The following AOPEP variants were observed in gnomAD, a reference collection of about 807,000 sequenced individuals.
The protein encoded by AOPEP is aminopeptidase O (putative).
Under a neutral mutation model 98.1 loss-of-function variants are expected in AOPEP, and 77 were observed. The ratio of observed to expected loss-of-function variants is 0.78; its 90% confidence interval spans 0.65 to 0.95. The LOEUF is 0.95. Among genes scored for constraint, AOPEP ranks in the 40% least tolerant of loss-of-function variants. The probability of loss-of-function intolerance (pLI) is 0.00; values close to 1 mark genes in which losing one functional copy is unlikely to be tolerated. For missense variants in AOPEP, 1,024 were observed against 1,024.7 expected (o/e 1.00, Z 0.01); for synonymous variants, 346 against 365.3 (o/e 0.95, Z 0.60).
At chr9:95,006,384 G>T (rs1416627724) in intron 13 of AOPEP, among the ~76,000 whole-genome samples, 2 of 152,136 alleles carry the variant, frequency 1.3e-5, no homozygotes, top group Non-Finnish European at 2.9e-5. Context: ...GTGTTTTTCT[G>T]CTGCTAGAAT....
intron 5 of AOPEP, among the ~76,000 whole-genome samples, chr9:94,884,141 G>A (rs2047912162): frequency 6.6e-6 from 1 of 152,184 alleles, no homozygotes; most frequent in Non-Finnish European, 1.5e-5. Context: ...GCCCCAATCC[G>A]AAGCCTTTGC....
chr9:94,953,292 A>G (rs994932203), intron 7 of AOPEP, among the ~76,000 whole-genome samples: 1 of 152,206 alleles, frequency 6.6e-6, no homozygotes, highest in African/African-American at 2.4e-5. Flanking sequence ...TTATTCTTAC[A>G]AGTGTGGGCA....
chr9:95,022,541 G>T (rs147218322), intron 13 of AOPEP, among the ~76,000 whole-genome samples: 1 of 151,990 alleles, frequency 6.6e-6, no homozygotes, highest in Non-Finnish European at 1.5e-5. Flanking sequence ...GGGTTTCACC[G>T]TGTTAGCCAG....
the AOPEP span, chr9:95,111,750 G>A: frequency 8.3e-7 from 1 of 1,202,544 alleles, no homozygotes; most frequent in South Asian, 1.2e-5. Flanking sequence ...CTTATCCACT[G>A]AAGTGCAACC....
intron 16 of AOPEP, 194 bp from the exon 17 acceptor site, chr9:95,086,488 C>G (rs2070716475): frequency 5.1e-6 from 5 of 985,358 alleles, no homozygotes; most frequent in Non-Finnish European, 6.0e-6. Context: ...GGTGTCATGG[C>G]CACGTGTGAG....
At chr9:95,036,632 CTCCTCCTCCTCCCCGCCCTCCTCTTCT>C (rs1352900228) in intron 13 of AOPEP, among the ~76,000 whole-genome samples, 1 of 151,656 alleles carries the variant, frequency 6.6e-6, no homozygotes, top group African/African-American at 2.4e-5. Context: ...TGTTTTATTT[CTCCTCCTCCTCCCCGCCCTCCTCTTCT>C]TCCTCCTCCT....
chr9:95,125,207 C>G, the AOPEP span: 3 of 1,589,446 alleles, frequency 1.9e-6, no homozygotes, highest in African/African-American at 2.7e-5. Flanking sequence ...AAAGTCAGAT[C>G]AGAACACGTT....
chr9:95,051,522 G>A (rs2066364035), intron 13 of AOPEP, among the ~76,000 whole-genome samples: 1 of 152,030 alleles, frequency 6.6e-6, no homozygotes, highest in African/African-American at 2.4e-5. Flanking sequence ...TGCACATAAA[G>A]CAAACTAGAT....
chr9:94,817,601 A>T (rs1275921852), intron 5 of AOPEP, among the ~76,000 whole-genome samples: 3 of 152,202 alleles, frequency 2.0e-5, no homozygotes, highest in Admixed American at 1.3e-4. Flanking sequence ...GTCTAGTAGG[A>T]CGAGTTATGG....
chr9:94,927,904 G>T (rs990019610), intron 6 of AOPEP, among the ~76,000 whole-genome samples: 1 of 152,230 alleles, frequency 6.6e-6, no homozygotes, highest in African/African-American at 2.4e-5. Flanking sequence ...ACTCAGTAGG[G>T]CAGAGTGTGA....
intron 3 of AOPEP, among the ~76,000 whole-genome samples, chr9:94,782,130 C>T (rs1843418654): frequency 1.3e-5 from 2 of 151,582 alleles, no homozygotes; most frequent in African/African-American, 2.4e-5. Context: ...GCGGAGGTTG[C>T]AGTGAGCCAA....
At chr9:95,093,825 C>A in the AOPEP span, among the ~76,000 whole-genome samples, 2 of 152,152 alleles carry the variant, frequency 1.3e-5, no homozygotes, top group Non-Finnish European at 2.9e-5. Flanking sequence ...GCAGTGACAC[C>A]CCACCTTCTG....
chr9:94,976,905 G>A (rs2138615253), intron 10 of AOPEP, among the ~76,000 whole-genome samples: 1 of 152,208 alleles, frequency 6.6e-6, no homozygotes, highest in Admixed American at 6.5e-5. Context: ...GGCCTCAAGT[G>A]ATCCTCCTGC....
At chr9:94,890,966 G>A (rs574876967) in intron 5 of AOPEP, among the ~76,000 whole-genome samples, 2 of 152,312 alleles carry the variant, frequency 1.3e-5, no homozygotes, top group Non-Finnish European at 2.9e-5. Context: ...GATCTTGTTG[G>A]TTGATGGTCA....
At chr9:95,137,425 C>T in the AOPEP span, among the ~76,000 whole-genome samples, 2 of 152,076 alleles carry the variant, frequency 1.3e-5, no homozygotes, top group African/African-American at 4.8e-5. Flanking sequence ...CCTGATCTCA[C>T]GCTCACACCC....
chr9:94,867,999 C>T (rs1267984476), intron 5 of AOPEP, among the ~76,000 whole-genome samples: 2 of 152,308 alleles, frequency 1.3e-5, no homozygotes, highest in Admixed American at 6.5e-5. Context: ...CCATGCTCCC[C>T]TGGCTGTTTT....
chr9:95,078,898 A>C (rs1399321259), intron 14 of AOPEP, among the ~76,000 whole-genome samples: 2 of 152,216 alleles, frequency 1.3e-5, no homozygotes, highest in African/African-American at 4.8e-5. Flanking sequence ...ATGGTGAGCT[A>C]ACTTCTTTGA....
intron 2 of AOPEP, 66 bp downstream of exon 2, chr9:94,760,646 A>G: frequency 7.7e-7 from 1 of 1,303,986 alleles, no homozygotes; most frequent in Non-Finnish European, 1.1e-6. Context: ...GATGCTTTCA[A>G]ACATGAGACC....
chr9:94,947,910 C>G (rs868029431), intron 7 of AOPEP, among the ~76,000 whole-genome samples: 3 of 152,310 alleles, frequency 2.0e-5, no homozygotes, highest in South Asian at 2.1e-4. Flanking sequence ...AGTGGGATTC[C>G]CATTACATTT....
Sources: gnomAD v4.1 joint callset for allele counts (sites outside exome capture counted in the v4.1 genomes callset) on GRCh38, gnomAD v4.1.1 for gene constraint, MANE v1.5 for transcripts, NCBI Gene and HGNC (gene_info 2026-07-23, HGNC 2026-07-21) for gene names.